AGBL1: variants seen among roughly 807,000 people sequenced by gnomAD.
AGBL1 encodes the protein cytosolic carboxypeptidase 4.
A neutral mutation model predicts 118.9 loss-of-function variants in AGBL1; 130 were observed. The observed-to-expected ratio is 1.09, with a 90% CI of 0.95 to 1.26. The LOEUF (loss-of-function observed/expected upper bound fraction) is 1.26, where lower values mean the gene tolerates loss of function less well. Among genes scored for constraint, AGBL1 ranks in the 50% most tolerant of loss-of-function variants. AGBL1 has a pLI of 0.00. For synonymous variants in AGBL1, 555 were observed against 478.9 expected (o/e 1.16, Z -2.08); for missense variants, 1,584 against 1,298.1 (o/e 1.22, Z -3.38).
At chr15:86,462,516 A>G (rs984804163) in intron 18 of AGBL1, among the ~76,000 whole-genome samples, 3 of 151,994 alleles carry the variant, frequency 2.0e-5, no homozygotes, top group Admixed American at 1.3e-4. Flanking sequence ...TACACATGCC[A>G]TGGTGGTTTG....
chr15:86,919,965 T>A (rs2080468442), downstream of AGBL1, among the ~76,000 whole-genome samples: 1 of 152,128 alleles, frequency 6.6e-6, no homozygotes, highest in Non-Finnish European at 1.5e-5. Context: ...GGGAGGGATA[T>A]CAGTACCTGT....
intron 17 of AGBL1, among the ~76,000 whole-genome samples, chr15:86,318,814 T>C (rs2080060229): frequency 6.6e-6 from 1 of 151,576 alleles, no homozygotes; most frequent in Non-Finnish European, 1.5e-5. Flanking sequence ...AAAGGTCTGT[T>C]TGTGGTTTTC....
At chr15:86,603,654 C>T (rs1271955564) in intron 21 of AGBL1, among the ~76,000 whole-genome samples, 1 of 152,042 alleles carries the variant, frequency 6.6e-6, no homozygotes, top group Admixed American at 6.5e-5. Context: ...GGGAGCCTGA[C>T]CCCTTCCCTC....
At chr15:86,545,252 A>T (rs914198497) in intron 19 of AGBL1, among the ~76,000 whole-genome samples, 5 of 152,220 alleles carry the variant, frequency 3.3e-5, no homozygotes, top group African/African-American at 1.2e-4. Flanking sequence ...AATGAAAAAT[A>T]ATCCTTTGTT....
At chr15:87,008,056 T>A (rs752980584) in intron 24 of AGBL1, among the ~76,000 whole-genome samples, 3 of 152,182 alleles carry the variant, frequency 2.0e-5, no homozygotes, top group Non-Finnish European at 2.9e-5. Context: ...GTTTTAGGTG[T>A]CAACTTGACT....
chr15:87,020,455 C>T (rs976773083), intron 24 of AGBL1, among the ~76,000 whole-genome samples: 2 of 152,120 alleles, frequency 1.3e-5, no homozygotes, highest in African/African-American at 2.4e-5. Flanking sequence ...AAAAGGGTGT[C>T]CTCTCTTACC....
intron 24 of AGBL1, among the ~76,000 whole-genome samples, chr15:86,988,852 A>G (rs773451178): frequency 6.6e-6 from 1 of 152,090 alleles, no homozygotes; most frequent in Non-Finnish European, 1.5e-5. Flanking sequence ...ATCACCCCAG[A>G]ATTGACAGGG....
chr15:86,198,415 G>A (rs1432315471), intron 5 of AGBL1, among the ~76,000 whole-genome samples: 1 of 152,126 alleles, frequency 6.6e-6, no homozygotes, highest in Non-Finnish European at 1.5e-5. Context: ...AATGAGGTGA[G>A]ACTTTTGAAG....
At chr15:86,879,954 C>T (rs1232761835) in intron 22 of AGBL1, among the ~76,000 whole-genome samples, 2 of 151,838 alleles carry the variant, frequency 1.3e-5, no homozygotes, top group Non-Finnish European at 2.9e-5. Context: ...GTTCTGGTAA[C>T]GGAAAGCAAA....
At chr15:86,527,941 A>G (rs557348846) in intron 19 of AGBL1, among the ~76,000 whole-genome samples, 4 of 152,272 alleles carry the variant, frequency 2.6e-5, no homozygotes, top group Non-Finnish European at 5.9e-5. Flanking sequence ...TCCATCATCC[A>G]TTCATCCATC....
intron 23 of AGBL1, chr15:86,987,952 C>T (rs1348807602): frequency 6.3e-7 from 1 of 1,593,886 alleles, no homozygotes; most frequent in East Asian, 2.3e-5. Context: ...TTTATTTTCA[C>T]CAATCTGTAC....
intron 21 of AGBL1, among the ~76,000 whole-genome samples, chr15:86,603,432 C>T (rs747100663): frequency 1.6e-4 from 25 of 152,198 alleles, no homozygotes; most frequent in Middle Eastern, 3.4e-3. Context: ...CCCACACCCC[C>T]GCCCCCTACC....
At chr15:87,025,945 G>C (rs560377348) in intron 24 of AGBL1, among the ~76,000 whole-genome samples, 47 of 152,016 alleles carry the variant, frequency 3.1e-4, no homozygotes, top group Non-Finnish European at 5.7e-4. Flanking sequence ...TGGGATAATT[G>C]GCTAGCCACA....
At chr15:86,552,053 T>C (rs774872714) in intron 20 of AGBL1, among the ~76,000 whole-genome samples, 71 of 152,158 alleles carry the variant, frequency 4.7e-4, no homozygotes, top group Non-Finnish European at 6.8e-4. Context: ...TACTGTAATA[T>C]TGAGTACACA....
At chr15:86,743,334 T>C (rs2077706824) in intron 22 of AGBL1, among the ~76,000 whole-genome samples, 2 of 151,678 alleles carry the variant, frequency 1.3e-5, no homozygotes, top group African/African-American at 4.8e-5. Flanking sequence ...CCTAAGGGGG[T>C]TAAATGTTAT....
chr15:86,939,352 T>C (rs1243994708), intron 23 of AGBL1, among the ~76,000 whole-genome samples: 2 of 152,222 alleles, frequency 1.3e-5, no homozygotes, highest in Admixed American at 6.5e-5. Flanking sequence ...GCATGCTTCC[T>C]GCCCTTGAAC....
chr15:86,723,533 A>G (rs2086768555), intron 22 of AGBL1, among the ~76,000 whole-genome samples: 1 of 152,192 alleles, frequency 6.6e-6, no homozygotes, highest in Non-Finnish European at 1.5e-5. Flanking sequence ...GAGGGATAAC[A>G]TTAGGAGATA....
intron 8 of AGBL1, 58 bp from the exon 9 acceptor site, chr15:86,257,906 T>C: frequency 6.4e-7 from 1 of 1,560,388 alleles, no homozygotes; most frequent in Non-Finnish European, 8.8e-7. Flanking sequence ...AAAATCTAAA[T>C]CCTAAATCCC....
rs185831011 is a variant in AGBL1 at position 86,930,071 on chromosome 15, T to C, written c.3222-57916T>C. ...AGGAAACATACCATAAATCATGGTA[T>C]TTGTCTTCCCCCAGATACTACTTAA... is the stretch of plus-strand genomic sequence containing the variant. On this transcript the variant is annotated intron_variant, in intron 23 of 24. Transcript: ENST00000441037. Among the ~76,000 whole-genome samples the C allele has an allele frequency of 1.8e-4, 27 of 152,210 alleles. No individual in the cohort carries two copies. The East Asian group carries it at 5.0e-3, about 28-fold the overall frequency.
Sources: gnomAD v4.1 joint callset for allele counts (sites outside exome capture counted in the v4.1 genomes callset) on GRCh38, gnomAD v4.1.1 for gene constraint, MANE v1.5 for transcripts, NCBI Gene and HGNC (gene_info 2026-07-23, HGNC 2026-07-21) for gene names.